TRIP11: variants seen among roughly 807,000 people sequenced by gnomAD.
TRIP11 encodes thyroid hormone receptor interactor 11.
TRIP11 carries 148 observed loss-of-function variants against 223.1 expected under a neutral mutation model. The ratio of observed to expected loss-of-function variants is 0.66; its 90% CI spans 0.58 to 0.76. The LOEUF is 0.76. Among genes scored for constraint, TRIP11 ranks in the 30% least tolerant of loss-of-function variants. The pLI is 0.00. For synonymous variants in TRIP11, 762 were observed against 772.6 expected, an observed-to-expected ratio of 0.99 and a Z score of 0.23; for missense variants, 2,043 against 2,222.0, an observed-to-expected ratio of 0.92 and a Z score of 1.62.
At chr14:91,995,829 TG>T (rs1399952766) in intron 13 of TRIP11, among the ~76,000 whole-genome samples, 1 of 152,146 alleles carries the variant, frequency 6.6e-6, no homozygotes, top group African/African-American at 2.4e-5. Flanking sequence ...TTGGCCAGGC[TG>T]GTCTCAAACT....
intron 16 of TRIP11, among the ~76,000 whole-genome samples, chr14:91,984,614 C>T (rs370381036): frequency 4.6e-5 from 7 of 152,206 alleles, no homozygotes; most frequent in East Asian, 1.9e-4. Flanking sequence ...CCACGTCCGG[C>T]CAAATCATTT....
chr14:92,000,429 G>A (rs933705301), intron 11 of TRIP11, among the ~76,000 whole-genome samples: 3 of 152,136 alleles, frequency 2.0e-5, no homozygotes, highest in African/African-American at 7.2e-5. Context: ...TAAGGAATTC[G>A]AGTCAAGTAT....
chr14:91,988,558 A>C (rs554639115), intron 15 of TRIP11, among the ~76,000 whole-genome samples, 175 bp from the exon 16 acceptor site: 10 of 151,828 alleles, frequency 6.6e-5, no homozygotes, highest in African/African-American at 2.4e-4. Flanking sequence ...CATTCTTTTC[A>C]ATACAATACT....
chr14:91,984,628 A>G (rs563613425), intron 16 of TRIP11, among the ~76,000 whole-genome samples: 1 of 152,252 alleles, frequency 6.6e-6, no homozygotes, highest in South Asian at 2.1e-4. Context: ...ATCATTTTCA[A>G]TTAGCAGGAA....
At chr14:92,006,483 T>C (rs777081937) in intron 10 of TRIP11, 35 bp from the exon 11 acceptor site, 2 of 1,608,232 alleles carry the variant, frequency 1.2e-6, no homozygotes, top group South Asian at 2.2e-5. Flanking sequence ...CTTTACAACA[T>C]GTTCTCATTT....
chr14:92,021,976 T>C (rs1262536159), intron 3 of TRIP11, 145 bp from the exon 4 acceptor site: 5 of 818,584 alleles, frequency 6.1e-6, no homozygotes, highest in South Asian at 3.4e-5. Context: ...CTAAGTCTTA[T>C]ATAACATTCT....
Position 91,967,831 on chromosome 14 carries a change from T to C in TRIP11, c.*1842A>G, listed in dbSNP as rs1185118226. The C allele has an allele frequency of 5.0e-6, 1 of 198,050 alleles. No homozygotes were observed. Among genetic ancestry groups the C allele is most frequent in the Non-Finnish European group, 1.0e-5 (1 of 95,784 alleles). 12.3% of individuals were successfully genotyped at this position (198,050 alleles called of 1,614,324 possible). Reference sequence around the variant, plus strand: ...TGTAGGATAGTCAGTGAAAGTATCTTTGTTAGGAGCATATAAAAACCAAGG... The same window carrying C: ...TGTAGGATAGTCAGTGAAAGTATCTCTGTTAGGAGCATATAAAAACCAAGG... On this transcript the variant is annotated 3_prime_UTR_variant, in exon 21 of 21. Coordinates refer to ENST00000267622, the MANE Select transcript of TRIP11 (RefSeq NM_004239.4).
Position 92,006,439 on chromosome 14 carries a change from A to C in TRIP11, c.1537T>G (p.Leu513Val). The C allele has an allele frequency of 1.2e-6, 2 of 1,612,414 alleles. No homozygotes were observed. Among genetic ancestry groups the C allele is most frequent in the Middle Eastern group, 1.8e-4 (1 of 5,518 alleles). Residue 513 changes from leucine to valine, a missense_variant, in exon 11 of 21, where the codon TTG (leucine) becomes GTG (valine). Transcript: ENST00000267622. ...TGTTTTGATAGCTGATCTTTTATCA[A>C]AATCATGTGCTGAAAGAAAAATTTG... The part of the protein sequence containing the change: ...QNQEATKHMI[L>V]IKDQLSKQQN...
intron 11 of TRIP11, among the ~76,000 whole-genome samples, chr14:92,001,011 C>T (rs1017756819): frequency 5.9e-5 from 9 of 152,016 alleles, no homozygotes. Context: ...CAGGCATGCA[C>T]CACCACGTCT....
At chr14:92,026,947 C>T in intron 2 of TRIP11, 2 of 1,119,284 alleles carry the variant, frequency 1.8e-6, no homozygotes, top group Non-Finnish European at 2.6e-6. Flanking sequence ...TCACCCTCCA[C>T]TTCCCCTCTC....
intron 13 of TRIP11, among the ~76,000 whole-genome samples, chr14:91,996,531 G>T (rs971285642): frequency 2.0e-5 from 3 of 152,172 alleles, no homozygotes; most frequent in Non-Finnish European, 4.4e-5. Context: ...GACAGAGTGA[G>T]ATCCTGTCTC....
Position 91,993,918 on chromosome 14 carries a change from G to C in TRIP11, c.5057-6C>G, listed in dbSNP as rs758791995. Reference sequence around the variant, plus strand: ...AGAATACATAGCTTTTTCCTCTAAAGAGAAAAGAAAGTTAACATTAGTATT... The same window carrying C: ...AGAATACATAGCTTTTTCCTCTAAACAGAAAAGAAAGTTAACATTAGTATT... On this transcript the variant is annotated splice_polypyrimidine_tract_variant and splice_region_variant and intron_variant, in intron 14 of 20. Coordinates refer to ENST00000267622, the MANE Select transcript of TRIP11 (RefSeq NM_004239.4). 1 of 1,606,954 alleles carries C rather than the reference G, an allele frequency of 6.2e-7. No individual in the cohort carries two copies. The highest frequency in any genetic ancestry group is 2.2e-5 in the East Asian group (1 of 44,752).
intron 14 of TRIP11, among the ~76,000 whole-genome samples, chr14:91,994,126 C>T (rs1336812699): frequency 6.6e-6 from 1 of 152,130 alleles, no homozygotes; most frequent in East Asian, 1.9e-4. Context: ...CTTGCAGATT[C>T]TTCTCTCCCT....
At chr14:92,011,301 C>T (rs1301537516) in intron 8 of TRIP11, among the ~76,000 whole-genome samples, 1 of 151,754 alleles carries the variant, frequency 6.6e-6, no homozygotes, top group African/African-American at 2.4e-5. Context: ...ACCATCCTGG[C>T]TAACACAGTG....
chr14:92,033,206 T>C lies in TRIP11; in HGVS notation c.187A>G (p.Ile63Val), dbSNP rs766430885. 5.0e-6 allele frequency: 8 copies of C among 1,613,070 alleles called. No individual in the cohort carries two copies. In the African/African-American group the frequency reaches 5.3e-5, roughly 11 times the overall value. ...RTKEIEAIHAILRSENERLKK... is the reference protein window; with the variant it reads ...RTKEIEAIHAVLRSENERLKK... ...ATTTTTCTTACCTCTGATCTCAAGA[T>C]TGCATGAATGGCTTCAATTTCCTTT... The change falls in exon 2 of 21, where the codon ATC becomes GTC. Residue 63 changes from isoleucine to valine, a missense_variant. Coordinates refer to ENST00000267622, the MANE Select transcript of TRIP11 (RefSeq NM_004239.4).
In TRIP11 at chr14:92,021,723, T is replaced by C. The variant is rs755345795; in HGVS notation, c.421A>G (p.Thr141Ala). 2.5e-6 allele frequency: 4 copies of C among 1,614,084 alleles called. No individual in the cohort carries two copies. The South Asian group carries it at 4.4e-5, about 18-fold the overall frequency. The change falls in exon 4 of 21, where the codon ACT becomes GCT. Residue 141 changes from threonine (T) to alanine (A), a missense_variant. Physicochemically the swap from Thr to Ala is moderately conservative, Grantham distance 58. Coordinates refer to ENST00000267622, the MANE Select transcript of TRIP11 (RefSeq NM_004239.4). Reference protein sequence around the residue: ...VPSGAGVPATTASSSFAYGIS... With the variant: ...VPSGAGVPATAASSSFAYGIS... ...CCATAAGCGAATGAAGATGATGCAGTGGTTGCTGGTACACCAGCTCCTGAA... is the reference window on the plus strand; with the variant it reads ...CCATAAGCGAATGAAGATGATGCAGCGGTTGCTGGTACACCAGCTCCTGAA...
At position 91,969,836 on chromosome 14, in the gene TRIP11, C is replaced by T. The variant is rs137938779; in HGVS notation, c.5777G>A (p.Arg1926His). 1,352 of 1,614,122 alleles carry T rather than the reference C, an allele frequency of 8.4e-4. 3 individuals are homozygous for T. The highest frequency in any genetic ancestry group is 1.0e-3 in the Non-Finnish European group (1,217 of 1,180,008). The change falls in exon 21 of 21, where the codon CGC becomes CAC. Residue 1926 changes from arginine (R) to histidine (H), a missense_variant. Coordinates refer to ENST00000267622, the MANE Select transcript of TRIP11 (RefSeq NM_004239.4). ...RTDVNPFLAP[R>H]SAAVPLINPA... is the part of the protein sequence containing the mutation. ...GTTAATAAGAGGTACAGCTGCCGAG[C>T]GAGGAGCCAAAAACGGATTTACATC...
At chr14:92,039,118 A>C (rs2057355501) in intron 1 of TRIP11, among the ~76,000 whole-genome samples, 1 of 152,236 alleles carries the variant, frequency 6.6e-6, no homozygotes. Context: ...AAACTCACCA[A>C]GTGTTTAAAT....
At chr14:91,986,745 G>A (rs540385292) in intron 16 of TRIP11, among the ~76,000 whole-genome samples, 1 of 152,300 alleles carries the variant, frequency 6.6e-6, no homozygotes, top group South Asian at 2.1e-4. Context: ...TTCCCAGTGT[G>A]TCTCCTCTCA....
Sources: allele counts gnomAD v4.1 joint callset (sites outside exome capture counted in the v4.1 genomes callset), GRCh38; gene constraint gnomAD v4.1.1; transcripts MANE v1.5; gene names NCBI Gene and HGNC (gene_info 2026-07-23, HGNC 2026-07-21).